JMJD1C: variants seen among roughly 807,000 people sequenced by gnomAD.
The protein encoded by JMJD1C is jumonji domain containing 1C, also known as jumonji domain-containing protein 1C.
JMJD1C carries 31 observed loss-of-function variants against 245.3 expected under a neutral mutation model. The ratio of observed to expected loss-of-function variants is 0.13; its 90% CI spans 0.09 to 0.17. The LOEUF (loss-of-function observed/expected upper bound fraction) is 0.17, where lower values mean the gene tolerates loss of function less well. Among genes scored for constraint, JMJD1C ranks in the 10% least tolerant of loss-of-function variants. The pLI, the probability that JMJD1C is intolerant of heterozygous loss-of-function variation, is 1.00. For missense variants in JMJD1C, 2,691 were observed against 3,000.2 expected (o/e 0.90, Z 2.41); for synonymous variants, 1,057 against 1,017.4 (o/e 1.04, Z -0.74).
chr10:63,420,614 G>A lies in JMJD1C; in HGVS notation c.169-40132C>T, dbSNP rs371544680. On this transcript the variant is annotated intron_variant, in intron 1 of 25. Coordinates refer to ENST00000399262, the MANE Select transcript of JMJD1C (RefSeq NM_032776.3). ...CAGCTACATGGGGGGTGGGGGGCGC[G>A]GGGCAGGGTCTGAGGCAGGAGGATC... Among the ~76,000 whole-genome samples, 43 of 151,036 alleles carry A rather than the reference G, an allele frequency of 2.8e-4. No individual in the cohort carries two copies. The East Asian group carries it at 5.3e-3, about 19-fold the overall frequency.
chr10:63,359,855 C>T (rs779863963), intron 2 of JMJD1C, among the ~76,000 whole-genome samples: 8 of 151,578 alleles, frequency 5.3e-5, no homozygotes, highest in Non-Finnish European at 1.0e-4. Flanking sequence ...TATGGTAACC[C>T]GGTACTTTTA....
At chr10:63,244,228 C>T (rs947457613) in intron 3 of JMJD1C, among the ~76,000 whole-genome samples, 4 of 152,060 alleles carry the variant, frequency 2.6e-5, no homozygotes, top group Non-Finnish European at 4.4e-5. Flanking sequence ...CACAGGTACC[C>T]GAGGCACAAA....
At chr10:63,266,075 T>C (rs1306494444) in intron 2 of JMJD1C, among the ~76,000 whole-genome samples, 4 of 152,044 alleles carry the variant, frequency 2.6e-5, no homozygotes, top group African/African-American at 9.7e-5. Flanking sequence ...AATTTAATAT[T>C]AAATTTAAGC....
intron 1 of JMJD1C, among the ~76,000 whole-genome samples, chr10:63,384,825 T>C (rs1296968032): frequency 6.6e-6 from 1 of 152,202 alleles, no homozygotes; most frequent in Admixed American, 6.5e-5. Flanking sequence ...TTCACTTTCT[T>C]ATCATCCCTG....
intron 2 of JMJD1C, among the ~76,000 whole-genome samples, chr10:63,328,065 G>A (rs557196593): frequency 5.9e-5 from 9 of 151,944 alleles, no homozygotes; most frequent in African/African-American, 9.7e-5. Flanking sequence ...ACCTGAGGTC[G>A]GGAGTTTGAG....
chr10:63,476,898 G>A (rs1953678560), intron 1 of JMJD1C, among the ~76,000 whole-genome samples: 2 of 151,948 alleles, frequency 1.3e-5, no homozygotes, highest in South Asian at 4.2e-4. Flanking sequence ...CAAGGAAGAG[G>A]GGAAAATATG....
At chr10:63,461,247 A>G (rs913955508) in intron 1 of JMJD1C, among the ~76,000 whole-genome samples, 5 of 152,164 alleles carry the variant, frequency 3.3e-5, no homozygotes, top group African/African-American at 9.7e-5. Context: ...TCTACCTACC[A>G]AAAAAACCAA....
At chr10:63,266,211 G>A (rs1253716713) in intron 2 of JMJD1C, among the ~76,000 whole-genome samples, 2 of 152,020 alleles carry the variant, frequency 1.3e-5, no homozygotes, top group Non-Finnish European at 2.9e-5. Context: ...TCTAGTCACA[G>A]TAATATCCTC....
chr10:63,507,039 TG>T (rs1285615462), intron 1 of JMJD1C, among the ~76,000 whole-genome samples: 3 of 152,228 alleles, frequency 2.0e-5, no homozygotes, highest in Non-Finnish European at 4.4e-5. Context: ...CTTTTCAGGT[TG>T]GCTTCACTTA....
chr10:63,256,737 T>C (rs963738114), intron 3 of JMJD1C, among the ~76,000 whole-genome samples: 3 of 152,266 alleles, frequency 2.0e-5, no homozygotes, highest in African/African-American at 4.8e-5. Context: ...TTCATAGTTA[T>C]GTATTTTTAA....
intron 1 of JMJD1C, among the ~76,000 whole-genome samples, chr10:63,384,275 T>C (rs750168582): frequency 6.6e-6 from 1 of 152,190 alleles, no homozygotes; most frequent in Non-Finnish European, 1.5e-5. Flanking sequence ...CCTCCTCCCA[T>C]GAATCATGAA....
chr10:63,493,109 G>A (rs956234186), intron 1 of JMJD1C, among the ~76,000 whole-genome samples: 4 of 151,808 alleles, frequency 2.6e-5, no homozygotes, highest in African/African-American at 9.7e-5. Context: ...AACACCATTC[G>A]TAATTCAAGC....
Position 63,465,793 on chromosome 10 carries a change from G to T in JMJD1C, c.-131C>A, listed in dbSNP as rs1276988490. 5.5e-6 allele frequency: 6 copies of T among 1,081,142 alleles called. No homozygotes were observed. Among genetic ancestry groups the T allele is most frequent in the Non-Finnish European group, 6.9e-6 (5 of 729,394 alleles). 67.0% of individuals were successfully genotyped at this position (1,081,142 alleles called of 1,614,324 possible). On this transcript the variant is annotated 5_prime_UTR_variant, in exon 1 of 26. Coordinates refer to ENST00000399262, the MANE Select transcript of JMJD1C (RefSeq NM_032776.3). ...AGCGGACCCGAAAGAGCGCAGACTC[G>T]GGACGAACCGGCCGCTCTGCCCCGG...
chr10:63,490,416 TA>T (rs764140042), intron 1 of JMJD1C, among the ~76,000 whole-genome samples: 55 of 126,020 alleles, frequency 4.4e-4, no homozygotes, highest in African/African-American at 8.6e-4. Flanking sequence ...ATTATTTATT[TA>T]TTTTATTTTT....
chr10:63,184,968 C>CT (rs1255309610), intron 20 of JMJD1C, among the ~76,000 whole-genome samples: 1 of 152,024 alleles, frequency 6.6e-6, no homozygotes, highest in Non-Finnish European at 1.5e-5. Flanking sequence ...CCTGTGTTCT[C>CT]TTTTTTTGAG....
At chr10:63,365,786 G>A (rs1457876839) in intron 2 of JMJD1C, among the ~76,000 whole-genome samples, 1 of 152,120 alleles carries the variant, frequency 6.6e-6, no homozygotes, top group Non-Finnish European at 1.5e-5. Context: ...ATAACTACAA[G>A]CTTTTATAAA....
chr10:63,282,005 C>T lies in JMJD1C; in HGVS notation c.334-17241G>A, dbSNP rs190291483. ...CGTTTGCATATGACTGATTTCCTGA[C>T]CTTTTTTGGTCAAAAGCTAGTAATA... On this transcript the variant is annotated intron_variant, in intron 2 of 25. Coordinates refer to ENST00000399262, the MANE Select transcript of JMJD1C (RefSeq NM_032776.3). Among the ~76,000 whole-genome samples the T allele has an allele frequency of 1.5e-4, 23 of 152,268 alleles. No homozygotes were observed. In the East Asian group the frequency reaches 3.3e-3, roughly 22 times the overall value.
At chr10:63,401,847 G>A (rs1419462377) in intron 1 of JMJD1C, among the ~76,000 whole-genome samples, 1 of 151,972 alleles carries the variant, frequency 6.6e-6, no homozygotes, top group Non-Finnish European at 1.5e-5. Flanking sequence ...TAATAAAAGA[G>A]GACCCAGCAG....
At chr10:63,327,811 G>C (rs766420976) in intron 2 of JMJD1C, among the ~76,000 whole-genome samples, 1 of 151,956 alleles carries the variant, frequency 6.6e-6, no homozygotes, top group Admixed American at 6.6e-5. Flanking sequence ...TAGGATTACA[G>C]ACATGCACCA....
Sources: allele counts gnomAD v4.1 joint callset (sites outside exome capture counted in the v4.1 genomes callset), GRCh38; gene constraint gnomAD v4.1.1; transcripts MANE v1.5; gene names NCBI Gene and HGNC (gene_info 2026-07-23, HGNC 2026-07-21).